The following ATAD5 variants were observed in gnomAD, a reference collection of about 807,000 sequenced individuals.
ATAD5 encodes ATPase family AAA domain-containing protein 5.
In ATAD5, 58 loss-of-function variants were observed where a neutral mutation model predicts 176.9. The ratio of observed to expected loss-of-function variants is 0.33; its 90% CI spans 0.27 to 0.41. The LOEUF (loss-of-function observed/expected upper bound fraction) is 0.41. Ranked by LOEUF, ATAD5 falls within the 10% of genes least tolerant of loss-of-function variation. The probability of loss-of-function intolerance (pLI) is 1.00; values close to 1 mark genes in which losing one functional copy is unlikely to be tolerated. For synonymous variants in ATAD5, 640 were observed against 712.6 expected (o/e 0.90, Z 1.62); for missense variants, 1,789 against 2,094.1 (o/e 0.85, Z 2.84).
chr17:30,844,888 G>A lies in ATAD5; in HGVS notation c.2422G>A (p.Asp808Asn). The change falls in exon 6 of 23, where the codon GAT becomes AAT. Residue 808 changes from aspartate (D) to asparagine (N), a missense_variant. Asp to Asn is a conservative substitution (Grantham distance 23, BLOSUM62 1). This residue lies in a region of ATAD5 where 487 missense variants were observed against 573.6 expected (regional missense o/e 0.85). Transcript: ENST00000321990. ...TGTCAGAAAAGCACAAAAAGCAGCTGATCCTGTCCCTAGTTTTGATGAAAG... is the reference window on the plus strand; with the variant it reads ...TGTCAGAAAAGCACAAAAAGCAGCTAATCCTGTCCCTAGTTTTGATGAAAG... ...FLVRKAQKAA[D>N]PVPSFDESSQ... 1 of 1,583,164 alleles carries A rather than the reference G, an allele frequency of 6.3e-7. No homozygotes were observed. The highest frequency in any genetic ancestry group is 8.5e-7 in the Non-Finnish European group (1 of 1,172,252).
rs1332803836 is a variant in ATAD5 at position 30,832,077 on chromosome 17, C to T, written c.-271C>T. 3 of 383,196 alleles carry T rather than the reference C, an allele frequency of 7.8e-6. No individual in the cohort carries two copies. Among genetic ancestry groups the T allele is most frequent in the Non-Finnish European group, 1.4e-5 (3 of 216,586 alleles). The allele number at this position is 383,196 out of a possible 1,614,324, so 23.7% of individuals were successfully genotyped here. A position where few individuals can be genotyped will look rare whatever the true frequency, so the allele number is the denominator to read the frequency against. Reference sequence around the variant, plus strand: ...CCGGTCCCGAGCGCTCAGCCTGAAGCGCCGCTTTCGAGGGCACCCTGCATA... The same window carrying T: ...CCGGTCCCGAGCGCTCAGCCTGAAGTGCCGCTTTCGAGGGCACCCTGCATA... On this transcript the variant is annotated 5_prime_UTR_variant, in exon 1 of 23. Coordinates refer to ENST00000321990, the MANE Select transcript of ATAD5 (RefSeq NM_024857.5).
chr17:30,854,275 A>T (rs1197321723), intron 6 of ATAD5, among the ~76,000 whole-genome samples: 1 of 147,584 alleles, frequency 6.8e-6, no homozygotes, highest in East Asian at 1.9e-4. Context: ...ATTTTATATT[A>T]ATTACCTAAT....
rs548811120 is a variant in ATAD5, at chr17:30,884,648, C to T, written c.4078-2544C>T. Among the ~76,000 whole-genome samples, 14 of 150,262 alleles carry T rather than the reference C, an allele frequency of 9.3e-5. No homozygotes were observed. In the South Asian group the frequency reaches 2.1e-3, roughly 23 times the overall value. On this transcript the variant is annotated intron_variant, in intron 18 of 22. Coordinates refer to ENST00000321990, the MANE Select transcript of ATAD5 (RefSeq NM_024857.5). ...TTCACCATGTTGGCCAGGCTTGTCTCGAACTCCTGACCTCAAGTGATCTGC... is the reference window on the plus strand; with the variant it reads ...TTCACCATGTTGGCCAGGCTTGTCTTGAACTCCTGACCTCAAGTGATCTGC...
chr17:30,856,996 T>G lies in ATAD5; in HGVS notation c.2677T>G (p.Leu893Val), dbSNP rs1277818448. ...TTTGAAACCACCCTCTTGTCCTCTCTTAACTAAATTTAAAGAACTGAACAC... is the reference window on the plus strand; with the variant it reads ...TTTGAAACCACCCTCTTGTCCTCTCGTAACTAAATTTAAAGAACTGAACAC... ...WHLKPPSCPL[L>V]TKFKELNTKV... Residue 893 changes from leucine (L) to valine (V), a missense_variant, in exon 8 of 23, where the codon TTA becomes GTA. Leu to Val is a conservative substitution (Grantham distance 32). This residue lies in a region of ATAD5 where 487 missense variants were observed against 573.6 expected (regional missense o/e 0.85). Coordinates refer to ENST00000321990, the MANE Select transcript of ATAD5 (RefSeq NM_024857.5). 2 of 1,605,748 alleles carry G rather than the reference T, an allele frequency of 1.2e-6. No homozygotes were observed. The highest frequency in any genetic ancestry group is 3.5e-5 in the Admixed American group (2 of 56,990).
intron 14 of ATAD5, among the ~76,000 whole-genome samples, chr17:30,874,637 A>ATTTATTTATTTT (rs1908554979): frequency 6.9e-6 from 1 of 145,212 alleles, no homozygotes; most frequent in African/African-American, 2.5e-5. Context: ...TTATTTATTT[A>ATTTATTTATTTT]TTTATTTATT....
chr17:30,868,658 C>T (rs185889021), intron 12 of ATAD5, among the ~76,000 whole-genome samples: 166 of 151,180 alleles, frequency 1.1e-3, no homozygotes, highest in African/African-American at 3.6e-3. Context: ...AGGCGCCTGC[C>T]GCCACGCCCG....
At position 30,858,257 on chromosome 17, in the gene ATAD5, T is replaced by C; in HGVS notation, c.2890T>C (p.Phe964Leu). ...TCCTGAATTTTCATTGAAAAAATATTTTCCCTTACTCCTAAAAAAACAAAT... is the reference window on the plus strand; with the variant it reads ...TCCTGAATTTTCATTGAAAAAATATCTTCCCTTACTCCTAAAAAAACAAAT... Reference protein sequence around the residue: ...SNPEFSLKKYFPLLLKKQIEH... With the variant: ...SNPEFSLKKYLPLLLKKQIEH... Residue 964 changes from phenylalanine to leucine, a missense_variant, in exon 9 of 23, where the codon TTT (phenylalanine) becomes CTT (leucine). Physicochemically the swap from Phe to Leu is conservative, Grantham distance 22. Coordinates refer to ENST00000321990, the MANE Select transcript of ATAD5 (RefSeq NM_024857.5). 6.3e-7 allele frequency: 1 copy of C among 1,598,708 alleles called. No homozygotes were observed. Among genetic ancestry groups the C allele is most frequent in the Non-Finnish European group, 8.5e-7 (1 of 1,172,480 alleles).
intron 7 of ATAD5, 23 bp from the exon 8 acceptor site, chr17:30,856,932 G>C: frequency 6.5e-7 from 1 of 1,549,106 alleles, no homozygotes; most frequent in Non-Finnish European, 8.7e-7. Context: ...GGTTTATTAA[G>C]ATATTTGTCT....
intron 6 of ATAD5, among the ~76,000 whole-genome samples, chr17:30,854,819 C>T (rs943629764): frequency 4.6e-5 from 7 of 152,024 alleles, no homozygotes; most frequent in African/African-American, 1.2e-4. Context: ...AGTACAGTGG[C>T]GCGATCCTGA....
rs1428025324 is a variant in ATAD5, at chr17:30,834,383, C to G, written c.302C>G (p.Pro101Arg). Residue 101 changes from proline (P) to arginine (R), a missense_variant, in exon 2 of 23, where the codon CCT (proline) becomes CGT (arginine). By Grantham distance (103) the Pro-to-Arg change is moderately radical. Around this residue, in one of 6 missense-constraint regions of ATAD5, gnomAD observed 696 missense variants for 712.5 expected, o/e 0.98. Transcript: ENST00000321990. ...GACAGCAACAAAGACTGTACGACAC[C>G]TTTGGAAATGTTCTCAAATGTAGAG... is the stretch of plus-strand genomic sequence containing the variant. ...PVDSNKDCTT[P>R]LEMFSNVEFK... is the part of the protein sequence containing the mutation. 1.2e-6 allele frequency: 2 copies of G among 1,604,832 alleles called. No individual in the cohort carries two copies. Among genetic ancestry groups the G allele is most frequent in the South Asian group, 2.3e-5 (2 of 88,506 alleles).
intron 19 of ATAD5, among the ~76,000 whole-genome samples, chr17:30,888,123 G>A (rs751054573): frequency 4.6e-5 from 7 of 151,700 alleles, no homozygotes; most frequent in Non-Finnish European, 4.4e-5. Context: ...GTGAGCCACC[G>A]TACTTGGCCC....
intron 19 of ATAD5, among the ~76,000 whole-genome samples, chr17:30,889,076 A>AT (rs1192943051): frequency 1.3e-5 from 2 of 150,046 alleles, no homozygotes; most frequent in African/African-American, 4.9e-5. Context: ...AAAAAAAAAA[A>AT]TTAAAAAACA....
Position 30,835,981 on chromosome 17 carries a change from T to C in ATAD5, c.1900T>C (p.Ser634Pro), listed in dbSNP as rs962690987. The C allele has an allele frequency of 5.0e-6, 8 of 1,614,000 alleles. No homozygotes were observed. The East Asian group carries it at 6.7e-5, about 13-fold the overall frequency. ...TTCCACTCAAAAAGCAGCCAACTTATCGGAAAAGCACAGCTTATATACAGC... is the reference window on the plus strand; with the variant it reads ...TTCCACTCAAAAAGCAGCCAACTTACCGGAAAAGCACAGCTTATATACAGC... ...KASTQKAANL[S>P]EKHSLYTAEL... The change falls in exon 2 of 23, where the codon TCG becomes CCG. Residue 634 changes from serine (S) to proline (P), a missense_variant. Transcript: ENST00000321990.
chr17:30,895,149 T>C lies in ATAD5; in HGVS notation c.*236T>C. On this transcript the variant is annotated 3_prime_UTR_variant, in exon 23 of 23. Transcript: ENST00000321990. ...ATCTGATTTAGCTTTGTTGGAGTAT[T>C]TTTTGTATGTGAGTGAACTGTTTCT... The C allele has an allele frequency of 3.0e-6, 1 of 328,614 alleles. No homozygotes were observed. The allele number at this position is 328,614 out of a possible 1,614,324, so 20.4% of individuals were successfully genotyped here.
chr17:30,835,062 G>A lies in ATAD5; in HGVS notation c.981G>A (p.Gln327=). The A allele has an allele frequency of 6.2e-7, 1 of 1,613,994 alleles. No individual in the cohort carries two copies. The highest frequency in any genetic ancestry group is 8.5e-7 in the Non-Finnish European group (1 of 1,179,998). ...VRFKTVTVLA[Q]VHPIPPKKTG... ...TTAAGACAGTTACTGTTCTTGCACA[G>A]GTTCACCCTATTCCGCCCAAAAAGA... The change falls in exon 2 of 23, where the codon CAG becomes CAA. Residue 327 remains glutamine (Q), a synonymous_variant. Transcript: ENST00000321990.
chr17:30,885,670 G>T (rs1909284220), intron 18 of ATAD5, among the ~76,000 whole-genome samples: 1 of 101,064 alleles, frequency 9.9e-6, no homozygotes, highest in South Asian at 3.3e-4. Flanking sequence ...GTTCGCTCTT[G>T]TCGCCCAGGC....
chr17:30,875,607 G>C (rs1272734442), intron 14 of ATAD5, among the ~76,000 whole-genome samples: 3 of 151,780 alleles, frequency 2.0e-5, no homozygotes, highest in African/African-American at 4.8e-5. Context: ...GACCAGCCTG[G>C]ACAACATGGC....
At chr17:30,855,007 C>T in intron 6 of ATAD5, 136 bp from the exon 7 acceptor site, 2 of 776,112 alleles carry the variant, frequency 2.6e-6, no homozygotes, top group South Asian at 2.1e-5. Flanking sequence ...GATCCGCCCA[C>T]CTCTGCCTCT....
At chr17:30,877,352 G>A in intron 15 of ATAD5, 64 bp from the exon 16 acceptor site, 1 of 1,117,406 alleles carries the variant, frequency 8.9e-7, no homozygotes, top group Non-Finnish European at 1.3e-6. Flanking sequence ...CTTATTCTGT[G>A]GACATATCCA....
Sources: allele counts gnomAD v4.1 joint callset (sites outside exome capture counted in the v4.1 genomes callset), GRCh38; gene constraint gnomAD v4.1.1; regional missense constraint gnomAD v4.1.1; transcripts MANE v1.5; gene names NCBI Gene and HGNC (gene_info 2026-07-23, HGNC 2026-07-21).